The following GALM variants were observed in gnomAD, a reference collection of about 807,000 sequenced individuals.
GALM encodes aldose 1-epimerase.
In GALM, 43 loss-of-function variants were observed where a neutral mutation model predicts 37.4. The ratio of observed to expected loss-of-function variants is 1.15; its 90% CI spans 0.90 to 1.48. The LOEUF (loss-of-function observed/expected upper bound fraction) is 1.48, where lower values mean the gene tolerates loss of function less well. GALM is among the 40% of genes most tolerant of loss of function. The probability of loss-of-function intolerance (pLI) is 0.00; values close to 1 mark genes in which losing one functional copy is unlikely to be tolerated. For synonymous variants in GALM, 199 were observed against 170.6 expected (o/e 1.17, Z -1.30); for missense variants, 456 against 419.1 (o/e 1.09, Z -0.77).
chr2:38,672,169 C>A (rs1344089789), intron 1 of GALM, among the ~76,000 whole-genome samples: 1 of 152,168 alleles, frequency 6.6e-6, no homozygotes, highest in Non-Finnish European at 1.5e-5. Flanking sequence ...GTGGTAGGAG[C>A]CCTGCTGTTG....
chr2:38,717,602 G>C (rs552543415), intron 4 of GALM, among the ~76,000 whole-genome samples: 22 of 152,110 alleles, frequency 1.4e-4, no homozygotes, highest in African/African-American at 5.3e-4. Context: ...GTTTTGCCGT[G>C]TTGGCCAGGC....
At chr2:38,686,527 G>A (rs566978488) in intron 3 of GALM, among the ~76,000 whole-genome samples, 1 of 151,834 alleles carries the variant, frequency 6.6e-6, no homozygotes, top group Non-Finnish European at 1.5e-5. Flanking sequence ...GCCTCCCAAA[G>A]TGCTGGGATT....
intron 2 of GALM, 104 bp from the exon 3 acceptor site, chr2:38,681,176 G>T: frequency 1.1e-6 from 1 of 931,482 alleles, no homozygotes; most frequent in South Asian, 1.4e-5. Flanking sequence ...TTAATTGATT[G>T]TATAACCATT....
chr2:38,670,500 G>T (rs190020713), intron 1 of GALM, among the ~76,000 whole-genome samples: 1 of 152,274 alleles, frequency 6.6e-6, no homozygotes, highest in East Asian at 1.9e-4. Flanking sequence ...GAAAATTCCT[G>T]GTTTAAAGTT....
At chr2:38,689,485 C>G (rs1665620603) in intron 3 of GALM, among the ~76,000 whole-genome samples, 1 of 152,154 alleles carries the variant, frequency 6.6e-6, no homozygotes, top group Non-Finnish European at 1.5e-5. Context: ...GTTTGCCTGG[C>G]AAGTGAGAAG....
chr2:38,712,444 C>T (rs1349585520), intron 4 of GALM, among the ~76,000 whole-genome samples: 1 of 152,216 alleles, frequency 6.6e-6, no homozygotes, highest in East Asian at 1.9e-4. Flanking sequence ...TTCCTCTTCG[C>T]TTTCAGGTCT....
At chr2:38,732,888 C>T (rs543922708) in intron 6 of GALM, among the ~76,000 whole-genome samples, 1 of 149,092 alleles carries the variant, frequency 6.7e-6, no homozygotes, top group African/African-American at 2.5e-5. Flanking sequence ...CACTGCACTC[C>T]AGCCTGTGCA....
intron 4 of GALM, among the ~76,000 whole-genome samples, chr2:38,726,143 G>C (rs1371988954): frequency 6.6e-6 from 1 of 152,076 alleles, no homozygotes; most frequent in African/African-American, 2.4e-5. Context: ...AACTGATCAG[G>C]GTTTAGAGGA....
At chr2:38,705,396 A>G (rs1184996222) in intron 4 of GALM, among the ~76,000 whole-genome samples, 1 of 152,198 alleles carries the variant, frequency 6.6e-6, no homozygotes, top group Non-Finnish European at 1.5e-5. Flanking sequence ...GATAAAGAGG[A>G]TGGAACACTG....
chr2:38,685,082 T>C (rs1665488637), intron 3 of GALM, among the ~76,000 whole-genome samples: 1 of 152,136 alleles, frequency 6.6e-6, no homozygotes, highest in Admixed American at 6.6e-5. Flanking sequence ...ATTTTTCATA[T>C]CTCTAATGTC....
chr2:38,686,311 G>A (rs1210652585), intron 3 of GALM, among the ~76,000 whole-genome samples: 1 of 109,852 alleles, frequency 9.1e-6, no homozygotes, highest in African/African-American at 3.2e-5. Flanking sequence ...TGTCTCCCAG[G>A]CTGGAGTGCA....
intron 4 of GALM, among the ~76,000 whole-genome samples, chr2:38,715,704 A>T (rs1666256437): frequency 1.3e-5 from 2 of 152,104 alleles, no homozygotes; most frequent in African/African-American, 4.8e-5. Flanking sequence ...AAGTGCTGGG[A>T]TTATAGGCGT....
intron 4 of GALM, among the ~76,000 whole-genome samples, chr2:38,702,791 T>C (rs905090119): frequency 6.6e-6 from 1 of 151,330 alleles, no homozygotes; most frequent in African/African-American, 2.4e-5. Context: ...AAAATGAAGC[T>C]GAGTAATAGC....
chr2:38,733,341 A>G (rs1666644265), intron 6 of GALM, 147 bp from the exon 7 acceptor site: 2 of 719,834 alleles, frequency 2.8e-6, no homozygotes, highest in Non-Finnish European at 5.0e-6. Context: ...AAAGTTCTTT[A>G]TCTCACTATG....
At chr2:38,697,203 T>G (rs1309691706) in intron 4 of GALM, among the ~76,000 whole-genome samples, 1 of 152,138 alleles carries the variant, frequency 6.6e-6, no homozygotes, top group Admixed American at 6.5e-5. Context: ...TTAGGGTAAA[T>G]TTTAAACATA....
chr2:38,703,105 T>A (rs1665963673), intron 4 of GALM, among the ~76,000 whole-genome samples: 1 of 64,048 alleles, frequency 1.6e-5, no homozygotes, highest in Non-Finnish European at 3.0e-5. Context: ...TTTTTTTTTT[T>A]TTTTTTTTTT....
chr2:38,705,222 G>A (rs1558589480), intron 4 of GALM, among the ~76,000 whole-genome samples: 1 of 152,206 alleles, frequency 6.6e-6, no homozygotes, highest in African/African-American at 2.4e-5. Context: ...CATTCCTGGT[G>A]CATAGCCATC....
At chr2:38,679,548 T>C (rs1434358142) in intron 2 of GALM, among the ~76,000 whole-genome samples, 11 of 152,216 alleles carry the variant, frequency 7.2e-5, no homozygotes, top group Admixed American at 6.5e-4. Context: ...CCTTGCAAGA[T>C]GATTTATGTA....
intron 3 of GALM, among the ~76,000 whole-genome samples, chr2:38,682,864 C>T (rs1208452678): frequency 1.3e-5 from 2 of 151,362 alleles, no homozygotes; most frequent in African/African-American, 4.9e-5. Flanking sequence ...CCATTGCACT[C>T]CAGCCTGAGC....
Sources: gnomAD v4.1 joint callset for allele counts (sites outside exome capture counted in the v4.1 genomes callset) on GRCh38, gnomAD v4.1.1 for gene constraint, MANE v1.5 for transcripts, NCBI Gene and HGNC (gene_info 2026-07-23, HGNC 2026-07-21) for gene names.